ACER3: variants seen among roughly 807,000 people sequenced by gnomAD.
The protein encoded by ACER3 is alkaline ceramidase 3.
In ACER3, 16 loss-of-function variants were observed where a neutral mutation model predicts 48.9. The ratio of observed to expected loss-of-function variants is 0.33; its 90% CI spans 0.22 to 0.50. The LOEUF is 0.50. ACER3 is among the 20% of genes least tolerant of loss of function. The pLI, the probability that ACER3 is intolerant of heterozygous loss-of-function variation, is 0.98. For missense variants in ACER3, 227 were observed against 326.0 expected (o/e 0.70, Z 2.34); for synonymous variants, 109 against 107.8 (o/e 1.01, Z -0.07).
At chr11:76,940,520 A>G (rs1053005439) in intron 2 of ACER3, among the ~76,000 whole-genome samples, 1 of 152,238 alleles carries the variant, frequency 6.6e-6, no homozygotes, top group South Asian at 2.1e-4. Flanking sequence ...AGACAATAGT[A>G]TGTATAGTCT....
At chr11:76,995,387 A>G (rs1948890900) in intron 6 of ACER3, among the ~76,000 whole-genome samples, 1 of 152,160 alleles carries the variant, frequency 6.6e-6, no homozygotes, top group African/African-American at 2.4e-5. Context: ...CTTACCTAAC[A>G]ACTCTGTCTA....
At chr11:76,872,245 T>G (rs1393798255) in intron 1 of ACER3, among the ~76,000 whole-genome samples, 1 of 152,062 alleles carries the variant, frequency 6.6e-6, no homozygotes, top group Admixed American at 6.6e-5. Context: ...CCCGCTAATT[T>G]TTATATTTTT....
chr11:76,875,074 A>C (rs906370715), intron 1 of ACER3, among the ~76,000 whole-genome samples: 1 of 150,382 alleles, frequency 6.6e-6, no homozygotes, highest in African/African-American at 2.4e-5. Flanking sequence ...TAAAGCATAA[A>C]GACCAAATTC....
intron 9 of ACER3, among the ~76,000 whole-genome samples, chr11:77,017,909 A>AT (rs1466105814): frequency 7.5e-6 from 1 of 133,620 alleles, no homozygotes; most frequent in African/African-American, 2.7e-5. Flanking sequence ...TATTATTATT[A>AT]TATCTGTTAT....
intron 1 of ACER3, chr11:76,868,275 G>A (rs1391055829): frequency 6.4e-5 from 82 of 1,280,284 alleles, no homozygotes; most frequent in Non-Finnish European, 8.1e-5. Flanking sequence ...CAGGCAAGCA[G>A]CACTGCCTCC....
chr11:76,990,598 C>T, intron 6 of ACER3, 24 bp downstream of exon 6: 1 of 1,379,482 alleles, frequency 7.2e-7, no homozygotes, highest in Non-Finnish European at 1.0e-6. Context: ...AATTATTACA[C>T]ATTAGATTGT....
chr11:76,929,724 A>G (rs1474810849), intron 2 of ACER3, among the ~76,000 whole-genome samples: 1 of 152,260 alleles, frequency 6.6e-6, no homozygotes, highest in African/African-American at 2.4e-5. Context: ...CTATTGCGAT[A>G]ACCATGTGGT....
intron 1 of ACER3, among the ~76,000 whole-genome samples, chr11:76,878,327 C>T (rs1375737364): frequency 1.3e-5 from 2 of 151,872 alleles, no homozygotes; most frequent in African/African-American, 4.8e-5. Flanking sequence ...TAGAAATTCT[C>T]GAATTTTTTG....
At chr11:76,934,049 G>T (rs1196563284) in intron 2 of ACER3, among the ~76,000 whole-genome samples, 1 of 151,938 alleles carries the variant, frequency 6.6e-6, no homozygotes, top group Non-Finnish European at 1.5e-5. Context: ...CTCAGACAAT[G>T]GGCGGCCGGG....
intron 2 of ACER3, among the ~76,000 whole-genome samples, chr11:76,932,489 T>G (rs1947033705): frequency 1.3e-5 from 2 of 152,202 alleles, no homozygotes; most frequent in South Asian, 4.1e-4. Flanking sequence ...GTCTACAGAC[T>G]TATCCCTTTG....
chr11:76,909,518 A>G (rs1946316708), intron 1 of ACER3, among the ~76,000 whole-genome samples: 1 of 152,250 alleles, frequency 6.6e-6, no homozygotes, highest in Non-Finnish European at 1.5e-5. Flanking sequence ...CATATGAAAA[A>G]AAGCTAATCA....
At chr11:76,998,736 C>G in intron 6 of ACER3, 27 bp from the exon 7 acceptor site, 3 of 1,552,816 alleles carry the variant, frequency 1.9e-6, no homozygotes, top group South Asian at 1.2e-5. Context: ...AATGATTGTA[C>G]TAACCTCATT....
chr11:76,901,619 C>T (rs899066009), intron 1 of ACER3, among the ~76,000 whole-genome samples: 6 of 152,156 alleles, frequency 3.9e-5, no homozygotes, highest in Admixed American at 2.0e-4. Flanking sequence ...CCGAGCTCCC[C>T]GAGTGAGCAA....
chr11:76,989,486 T>C (rs554239899), intron 5 of ACER3, among the ~76,000 whole-genome samples: 7 of 152,204 alleles, frequency 4.6e-5, no homozygotes, highest in Non-Finnish European at 7.4e-5. Flanking sequence ...TTCCGCTGTA[T>C]AGAGAAAGGA....
At chr11:76,877,769 T>G (rs1196982258) in intron 1 of ACER3, among the ~76,000 whole-genome samples, 1 of 152,144 alleles carries the variant, frequency 6.6e-6, no homozygotes, top group East Asian at 1.9e-4. Flanking sequence ...TGATCCCATC[T>G]TCTTCCTTTT....
At chr11:76,919,295 A>G (rs1946623695) in intron 1 of ACER3, among the ~76,000 whole-genome samples, 1 of 152,182 alleles carries the variant, frequency 6.6e-6, no homozygotes, top group African/African-American at 2.4e-5. Context: ...TCCTATGAGA[A>G]AACACTTTCC....
chr11:76,875,104 C>CTTTTTTTTT (rs1403847569), intron 1 of ACER3, among the ~76,000 whole-genome samples: 1 of 50,510 alleles, frequency 2.0e-5, no homozygotes, highest in South Asian at 8.2e-4. Flanking sequence ...ATGAAAAGCA[C>CTTTTTTTTT]TTCTTTTTTT....
At chr11:76,861,941 C>T (rs1944951298) in intron 1 of ACER3, among the ~76,000 whole-genome samples, 1 of 152,188 alleles carries the variant, frequency 6.6e-6, no homozygotes, top group Non-Finnish European at 1.5e-5. Flanking sequence ...GTTCTGTGTG[C>T]CTATGTGGGT....
chr11:76,878,007 T>C (rs1945430176), intron 1 of ACER3, among the ~76,000 whole-genome samples: 1 of 152,058 alleles, frequency 6.6e-6, no homozygotes, highest in Non-Finnish European at 1.5e-5. Context: ...TGGATGTAGA[T>C]ATAATTCATT....
Sources: gnomAD v4.1 joint callset for allele counts (sites outside exome capture counted in the v4.1 genomes callset) on GRCh38, gnomAD v4.1.1 for gene constraint, MANE v1.5 for transcripts, NCBI Gene and HGNC (gene_info 2026-07-23, HGNC 2026-07-21) for gene names.